Variants in STAG1 observed in about 807,000 individuals in gnomAD.
The protein encoded by STAG1 is STAG1 cohesin complex component.
STAG1 carries 26 observed loss-of-function variants against 170.9 expected under a neutral mutation model. That is an observed-to-expected ratio of 0.15 (90% CI 0.11 to 0.21). STAG1 has a LOEUF of 0.21. STAG1 is among the 10% of genes least tolerant of loss of function. The pLI is 1.00. For missense variants in STAG1, 964 were observed against 1,509.5 expected (o/e 0.64, Z 5.99); for synonymous variants, 514 against 497.7 (o/e 1.03, Z -0.44).
intron 1 of STAG1, among the ~76,000 whole-genome samples, chr3:136,729,717 C>T (rs1933896316): frequency 6.6e-6 from 1 of 151,190 alleles, no homozygotes; most frequent in Non-Finnish European, 1.5e-5. Flanking sequence ...GGATTACAGG[C>T]ATGTGCCTCC....
chr3:136,675,302 G>A (rs1268414807), intron 1 of STAG1, among the ~76,000 whole-genome samples: 1 of 152,138 alleles, frequency 6.6e-6, no homozygotes, highest in Admixed American at 6.5e-5. Context: ...CTGTCCTCTT[G>A]CTTCCAATGC....
intron 1 of STAG1, among the ~76,000 whole-genome samples, chr3:136,722,994 C>G (rs1428407269): frequency 6.6e-6 from 1 of 152,236 alleles, no homozygotes; most frequent in Non-Finnish European, 1.5e-5. Context: ...TCACTCAGTG[C>G]TCAATGGTGC....
chr3:136,721,457 T>C (rs996550224), intron 1 of STAG1: 1 of 152,244 alleles, frequency 6.6e-6, no homozygotes, highest in African/African-American at 2.4e-5. Context: ...AATCTCTATA[T>C]GGTTCCCATT....
At chr3:136,654,839 A>C (rs1405657380) in intron 1 of STAG1, among the ~76,000 whole-genome samples, 1 of 152,212 alleles carries the variant, frequency 6.6e-6, no homozygotes, top group African/African-American at 2.4e-5. Flanking sequence ...CCCACAAATA[A>C]GCCCTTGCAT....
intron 1 of STAG1, chr3:136,736,526 T>C: frequency 6.8e-7 from 1 of 1,462,182 alleles, no homozygotes; most frequent in Non-Finnish European, 9.6e-7. Flanking sequence ...CTTTCGGTGG[T>C]CTCAGGAAGG....
chr3:136,478,142 G>T (rs1173625022), intron 9 of STAG1, among the ~76,000 whole-genome samples: 1 of 152,094 alleles, frequency 6.6e-6, no homozygotes, highest in Non-Finnish European at 1.5e-5. Context: ...AAAAGAAAAA[G>T]CCCACTTTAT....
chr3:136,733,622 G>A (rs1434065132), intron 1 of STAG1, among the ~76,000 whole-genome samples: 1 of 152,172 alleles, frequency 6.6e-6, no homozygotes, highest in Non-Finnish European at 1.5e-5. Flanking sequence ...CCAGACAATG[G>A]ACAATAGATT....
intron 31 of STAG1, 147 bp from the exon 32 acceptor site, chr3:136,340,752 G>A: frequency 1.7e-6 from 1 of 586,470 alleles, no homozygotes; most frequent in Non-Finnish European, 3.1e-6. Context: ...TGAATTCCAA[G>A]ACAATTAAGA....
intron 16 of STAG1, chr3:136,430,083 T>C (rs1430688629): frequency 6.6e-6 from 1 of 152,206 alleles, no homozygotes; most frequent in East Asian, 1.9e-4. Context: ...TTAAGATTCA[T>C]AAAAATATTT....
chr3:136,570,583 C>T (rs1281698086), intron 4 of STAG1, among the ~76,000 whole-genome samples: 2 of 152,186 alleles, frequency 1.3e-5, no homozygotes, highest in South Asian at 2.1e-4. Context: ...ACACACGCAT[C>T]AAGGCTTAGT....
At chr3:136,669,478 C>G (rs908153876) in intron 1 of STAG1, among the ~76,000 whole-genome samples, 4 of 152,082 alleles carry the variant, frequency 2.6e-5, no homozygotes, top group Admixed American at 6.6e-5. Context: ...CTCAGCCTCC[C>G]AAGTAGCTGG....
intron 3 of STAG1, among the ~76,000 whole-genome samples, chr3:136,606,750 C>CTTTTTTT (rs529115947): frequency 7.9e-6 from 1 of 126,960 alleles, no homozygotes; most frequent in Non-Finnish European, 1.7e-5. Flanking sequence ...AGGTAACATG[C>CTTTTTTT]TTTTTTTTTT....
chr3:136,360,214 G>C (rs1202206542), intron 26 of STAG1, among the ~76,000 whole-genome samples: 1 of 152,066 alleles, frequency 6.6e-6, no homozygotes, highest in Non-Finnish European at 1.5e-5. Flanking sequence ...CTGTTATGAG[G>C]GGTGAACTGT....
intron 1 of STAG1, among the ~76,000 whole-genome samples, chr3:136,685,099 G>A (rs1298735013): frequency 6.6e-6 from 1 of 152,154 alleles, no homozygotes; most frequent in East Asian, 1.9e-4. Context: ...TGGATCACCT[G>A]AGGTGAGGAG....
At position 136,521,462 on chromosome 3, in the gene STAG1, G is replaced by C. The variant is rs185355468; in HGVS notation, c.472-45C>G. The stretch of plus-strand genomic sequence containing the variant: ...CATATTAAGTATGTCACATTACAGA[G>C]TTTGATGAAAGCTTTTTTTTTCTTC... On this transcript the variant is annotated intron_variant, in intron 6 of 33. Transcript: ENST00000383202. 192 of 1,554,656 alleles carry C rather than the reference G, an allele frequency of 1.2e-4. 1 individual carries two copies. In the African/African-American group the frequency reaches 2.0e-3, roughly 16 times the overall value.
intron 4 of STAG1, among the ~76,000 whole-genome samples, chr3:136,594,942 T>G (rs1328997853): frequency 2.6e-5 from 4 of 152,150 alleles, no homozygotes; most frequent in Non-Finnish European, 5.9e-5. Context: ...GGCTACTTTT[T>G]GTATTTTGGT....
chr3:136,703,401 C>T (rs550124947), intron 1 of STAG1, among the ~76,000 whole-genome samples: 3 of 152,282 alleles, frequency 2.0e-5, no homozygotes, highest in East Asian at 3.9e-4. Context: ...ACAATAAGTG[C>T]CTTGTTCAAA....
intron 12 of STAG1, among the ~76,000 whole-genome samples, chr3:136,471,867 C>T (rs2089636027): frequency 6.6e-6 from 1 of 152,060 alleles, no homozygotes; most frequent in African/African-American, 2.4e-5. Flanking sequence ...ACACAGGGTC[C>T]TGCTATATCA....
chr3:136,581,820 G>T (rs896532577), intron 4 of STAG1, among the ~76,000 whole-genome samples: 1 of 151,868 alleles, frequency 6.6e-6, no homozygotes, highest in Non-Finnish European at 1.5e-5. Flanking sequence ...ATATATTCAA[G>T]GAATATCAAC....
Sources: allele counts gnomAD v4.1 joint callset (sites outside exome capture counted in the v4.1 genomes callset), GRCh38; gene constraint gnomAD v4.1.1; transcripts MANE v1.5; gene names NCBI Gene and HGNC (gene_info 2026-07-23, HGNC 2026-07-21).